QKI: variants seen among roughly 807,000 people sequenced by gnomAD.
QKI encodes the protein QKI, KH domain containing RNA binding.
In QKI, 10 loss-of-function variants were observed where a neutral mutation model predicts 39.0. The ratio of observed to expected loss-of-function variants is 0.26; its 90% CI spans 0.16 to 0.43. The LOEUF (loss-of-function observed/expected upper bound fraction) is 0.43, where lower values mean the gene tolerates loss of function less well. Among genes scored for constraint, QKI ranks in the 20% least tolerant of loss-of-function variants. The pLI, the probability that QKI is intolerant of heterozygous loss-of-function variation, is 1.00. For missense variants in QKI, 218 were observed against 428.0 expected (o/e 0.51, Z 4.33); for synonymous variants, 204 against 155.4 (o/e 1.31, Z -2.33).
chr6:163,494,133 G>A (rs1343928624), intron 3 of QKI, among the ~76,000 whole-genome samples: 2 of 151,760 alleles, frequency 1.3e-5, no homozygotes, highest in Non-Finnish European at 2.9e-5. Context: ...AAAAATATTC[G>A]GGAGGAAAAA....
chr6:163,426,225 T>G (rs1788392750), intron 1 of QKI, among the ~76,000 whole-genome samples: 1 of 152,140 alleles, frequency 6.6e-6, no homozygotes, highest in Admixed American at 6.5e-5. Flanking sequence ...TTACGCCTTT[T>G]TAAATCTAGA....
chr6:163,446,056 G>A (rs888757352), intron 1 of QKI, among the ~76,000 whole-genome samples: 1 of 152,024 alleles, frequency 6.6e-6, no homozygotes, highest in Admixed American at 6.6e-5. Flanking sequence ...CTCTGAAACC[G>A]TACAGCTATC....
intron 1 of QKI, among the ~76,000 whole-genome samples, chr6:163,431,800 T>A (rs953118650): frequency 9.2e-4 from 117 of 127,240 alleles, no homozygotes; most frequent in African/African-American, 2.6e-3. Flanking sequence ...AAGATTTTTG[T>A]AAAAAAAAAA....
chr6:163,432,646 CTG>C (rs1788933638), intron 1 of QKI, among the ~76,000 whole-genome samples: 1 of 152,122 alleles, frequency 6.6e-6, no homozygotes, highest in South Asian at 2.1e-4. Context: ...AGTGATCCTC[CTG>C]TGTCAGGTGT....
chr6:163,440,076 T>A (rs1789651593), intron 1 of QKI, among the ~76,000 whole-genome samples: 1 of 152,202 alleles, frequency 6.6e-6, no homozygotes, highest in Non-Finnish European at 1.5e-5. Context: ...CCCCTCATTG[T>A]ATATGTCTCT....
At chr6:163,509,890 G>A (rs931232728) in intron 3 of QKI, among the ~76,000 whole-genome samples, 1 of 152,042 alleles carries the variant, frequency 6.6e-6, no homozygotes, top group Admixed American at 6.6e-5. Flanking sequence ...TTGAATGAAA[G>A]AGATTGTCAG....
intron 3 of QKI, among the ~76,000 whole-genome samples, chr6:163,481,251 A>ATG (rs1210782461): frequency 1.3e-5 from 2 of 152,168 alleles, no homozygotes; most frequent in African/African-American, 2.4e-5. Flanking sequence ...ATATATATAT[A>ATG]TGTGTGTGCG....
rs1027179638 is a variant in QKI at position 163,575,203 on chromosome 6, A to G, written c.*4493A>G. The G allele has an allele frequency of 1.3e-5, 2 of 152,170 alleles. No homozygotes were observed. Among genetic ancestry groups the G allele is most frequent in the Admixed American group, 1.3e-4 (2 of 15,264 alleles). 9.4% of individuals were successfully genotyped at this position (152,170 alleles called of 1,614,324 possible). ...GCTGTCTGTCAAGCTGCTAATATAC[A>G]AGTTGTCATGGTACCATGTAACTTA... On this transcript the variant is annotated 3_prime_UTR_variant, in exon 8 of 8. Coordinates refer to ENST00000361752, the MANE Select transcript of QKI (RefSeq NM_006775.3).
At chr6:163,457,634 ATTTT>A (rs375211921) in intron 2 of QKI, 420 of 269,638 alleles carry the variant, frequency 1.6e-3, no homozygotes, top group South Asian at 2.5e-3. Context: ...CACTCCTCTA[ATTTT>A]TTTTTTTTTT....
At chr6:163,444,287 A>C (rs1379505411) in intron 1 of QKI, among the ~76,000 whole-genome samples, 1 of 152,212 alleles carries the variant, frequency 6.6e-6, no homozygotes, top group Non-Finnish European at 1.5e-5. Context: ...GATGTGGTCT[A>C]ATGTGCTCAT....
intron 3 of QKI, among the ~76,000 whole-genome samples, chr6:163,495,928 A>G (rs1228915139): frequency 6.6e-6 from 1 of 152,220 alleles, no homozygotes. Flanking sequence ...TTGTCACCGT[A>G]AAGGTAACTT....
chr6:163,475,989 G>C (rs1792563491), intron 2 of QKI, among the ~76,000 whole-genome samples: 1 of 152,092 alleles, frequency 6.6e-6, no homozygotes, highest in Non-Finnish European at 1.5e-5. Flanking sequence ...CCACAAAGTA[G>C]AAATCAATAA....
At chr6:163,563,775 C>A (rs1377641226) in intron 6 of QKI, 56 bp downstream of exon 6, 1 of 1,543,958 alleles carries the variant, frequency 6.5e-7, no homozygotes, top group African/African-American at 1.4e-5. Flanking sequence ...ATTTTTGCTC[C>A]CTCAGATTTT....
At chr6:163,564,788 C>T in intron 6 of QKI, 1 of 1,605,710 alleles carries the variant, frequency 6.2e-7, no homozygotes, top group Non-Finnish European at 8.5e-7. Flanking sequence ...TTCTGTGCAA[C>T]CCCTTTGTTT....
At chr6:163,466,069 G>T (rs1266947187) in intron 2 of QKI, among the ~76,000 whole-genome samples, 1 of 151,296 alleles carries the variant, frequency 6.6e-6, no homozygotes, top group Non-Finnish European at 1.5e-5. Context: ...GGAGGCTGCA[G>T]TGAGCCGAGA....
At chr6:163,493,592 G>A (rs1207896309) in intron 3 of QKI, among the ~76,000 whole-genome samples, 1 of 152,162 alleles carries the variant, frequency 6.6e-6, no homozygotes, top group Non-Finnish European at 1.5e-5. Flanking sequence ...CATGGCTCAT[G>A]CTTGTAATTC....
chr6:163,569,811 T>C (rs1783596982), intron 7 of QKI: 1 of 986,512 alleles, frequency 1.0e-6, no homozygotes. Flanking sequence ...AAGAAAGCTG[T>C]TTGTAGTTTT....
chr6:163,427,457 T>C (rs1373177332), intron 1 of QKI, among the ~76,000 whole-genome samples: 1 of 152,148 alleles, frequency 6.6e-6, no homozygotes, highest in African/African-American at 2.4e-5. Context: ...ATTTTTCTGG[T>C]TGATGACAAT....
rs1447959480 is a variant in QKI at position 163,571,106 on chromosome 6, G to C, written c.*396G>C. Reference sequence around the variant, plus strand: ...GGCAGTTACTGTGAGAGACTTCTAGGAATCTTTTTCTTCTCATAGCGAAGT... The same window carrying C: ...GGCAGTTACTGTGAGAGACTTCTAGCAATCTTTTTCTTCTCATAGCGAAGT... On this transcript the variant is annotated 3_prime_UTR_variant, in exon 8 of 8. Coordinates refer to ENST00000361752, the MANE Select transcript of QKI (RefSeq NM_006775.3). 6.2e-6 allele frequency: 1 copy of C among 161,396 alleles called. No individual in the cohort carries two copies. Among genetic ancestry groups the C allele is most frequent in the Non-Finnish European group, 1.3e-5 (1 of 74,456 alleles). The allele number at this position is 161,396 out of a possible 1,614,324, so 10.0% of individuals were successfully genotyped here.
Sources: allele counts gnomAD v4.1 joint callset (sites outside exome capture counted in the v4.1 genomes callset), GRCh38; gene constraint gnomAD v4.1.1; transcripts MANE v1.5; gene names NCBI Gene and HGNC (gene_info 2026-07-23, HGNC 2026-07-21).